The following RCAN3 variants were observed in gnomAD, a reference collection of about 807,000 sequenced individuals.
The protein encoded by RCAN3 is regulator of calcineurin 3, also known as calcipressin-3.
Under a neutral mutation model 21.9 loss-of-function variants are expected in RCAN3, and 19 were observed. The observed-to-expected ratio is 0.87, with a 90% confidence interval of 0.61 to 1.27. RCAN3 has a LOEUF of 1.27. Ranked by LOEUF, RCAN3 falls within the 50% of genes most tolerant of loss-of-function variation. RCAN3 has a pLI of 0.00. For synonymous variants in RCAN3, 114 were observed against 112.3 expected (o/e 1.01, Z -0.09); for missense variants, 240 against 300.1 (o/e 0.80, Z 1.48).
intron 2 of RCAN3, among the ~76,000 whole-genome samples, chr1:24,524,153 C>G (rs1275295375): frequency 6.6e-6 from 1 of 152,250 alleles, no homozygotes; most frequent in Middle Eastern, 3.4e-3. Flanking sequence ...TCGCTTGAAC[C>G]TGGGAGGCAG....
intron 1 of RCAN3, among the ~76,000 whole-genome samples, chr1:24,513,615 C>T (rs917706271): frequency 1.3e-5 from 2 of 152,170 alleles, no homozygotes; most frequent in East Asian, 1.9e-4. Flanking sequence ...CGGGATCGCG[C>T]CACTGCACTC....
rs1650264216 is a variant in RCAN3, at chr1:24,536,858, T to C, written c.*1581T>C. On this transcript the variant is annotated 3_prime_UTR_variant, in exon 5 of 5. Transcript: ENST00000374395. Reference sequence around the variant, plus strand: ...TTCCTTGCCCTCAAATACCCTGAGGTGATAAACTGTTCCAGTTGTAGCCAA... The same window carrying C: ...TTCCTTGCCCTCAAATACCCTGAGGCGATAAACTGTTCCAGTTGTAGCCAA... 1 of 152,002 alleles carries C rather than the reference T, an allele frequency of 6.6e-6. No individual in the cohort carries two copies. Among genetic ancestry groups the C allele is most frequent in the Non-Finnish European group, 1.5e-5 (1 of 67,996 alleles). The allele number at this position is 152,002 out of a possible 1,614,324, so 9.4% of individuals were successfully genotyped here.
chr1:24,539,388 A>G lies in RCAN3; in HGVS notation c.*4111A>G, dbSNP rs1477012025. 1 of 152,224 alleles carries G rather than the reference A, an allele frequency of 6.6e-6. No homozygotes were observed. The highest frequency in any genetic ancestry group is 1.5e-5 in the Non-Finnish European group (1 of 68,034). The allele number at this position is 152,224 out of a possible 1,614,324, so 9.4% of individuals were successfully genotyped here. A position where few individuals can be genotyped will look rare whatever the true frequency, so the allele number is the denominator to read the frequency against. On this transcript the variant is annotated 3_prime_UTR_variant, in exon 5 of 5. Transcript: ENST00000374395. The stretch of plus-strand genomic sequence containing the variant: ...TTTGTAGTTTTGTTATCATTGAACC[A>G]TTGGGGCTGGAATCTGCCTAAATAA...
At chr1:24,519,215 G>GT (rs60599694) in intron 2 of RCAN3, among the ~76,000 whole-genome samples, 469 of 136,736 alleles carry the variant, frequency 3.4e-3, no homozygotes, top group Middle Eastern at 0.027. Context: ...CTGGCCTGAT[G>GT]TTTTTTTTTT....
intron 2 of RCAN3, among the ~76,000 whole-genome samples, chr1:24,519,635 G>A (rs1271579869): frequency 1.3e-5 from 2 of 152,124 alleles, no homozygotes; most frequent in Non-Finnish European, 2.9e-5. Context: ...TCTGATTATG[G>A]TGGTTGAGGG....
intron 1 of RCAN3, among the ~76,000 whole-genome samples, chr1:24,507,210 C>T (rs1435681510): frequency 1.3e-5 from 2 of 152,152 alleles, no homozygotes; most frequent in Non-Finnish European, 2.9e-5. Context: ...CACCTTGCAC[C>T]CTAGCCATGC....
At chr1:24,528,040 C>T (rs1050526337) in intron 2 of RCAN3, among the ~76,000 whole-genome samples, 11 of 152,028 alleles carry the variant, frequency 7.2e-5, no homozygotes, top group African/African-American at 2.4e-4. Context: ...TCTTCCAATG[C>T]TTTTCACCCC....
rs1188390647 is a variant in RCAN3, at chr1:24,529,490, G to A, written c.196-1728G>A. Among the ~76,000 whole-genome samples the A allele has an allele frequency of 6.0e-5, 9 of 150,414 alleles. No homozygotes were observed. In the East Asian group the frequency reaches 1.8e-3, roughly 30 times the overall value. On this transcript the variant is annotated intron_variant, in intron 2 of 4. Coordinates refer to ENST00000374395, the MANE Select transcript of RCAN3 (RefSeq NM_013441.4). ...GGCTTGAGCCCAGGAGTTTGAGGCTGCAGTGAACTCTGATCACACCACTGC... is the reference window on the plus strand; with the variant it reads ...GGCTTGAGCCCAGGAGTTTGAGGCTACAGTGAACTCTGATCACACCACTGC...
rs1007205698 is a variant in RCAN3, at chr1:24,514,532, G to A, written c.160G>A (p.Val54Ile). The A allele has an allele frequency of 1.3e-5, 21 of 1,614,062 alleles. No individual in the cohort carries two copies. Among genetic ancestry groups the A allele is most frequent in the South Asian group, 6.6e-5 (6 of 91,080 alleles). Reference protein sequence around the residue: ...DLPTSLFACSVHEAVFEAREQ... With the variant: ...DLPTSLFACSIHEAVFEAREQ... Reference sequence around the variant, plus strand: ...GCCTACCTCACTTTTTGCTTGCAGCGTCCATGAAGCAGTGTTTGAGGCACG... The same window carrying A: ...GCCTACCTCACTTTTTGCTTGCAGCATCCATGAAGCAGTGTTTGAGGCACG... Residue 54 changes from valine to isoleucine, a missense_variant, in exon 2 of 5, where the codon GTC (valine) becomes ATC (isoleucine). Coordinates refer to ENST00000374395, the MANE Select transcript of RCAN3 (RefSeq NM_013441.4).
At chr1:24,521,719 A>C (rs1037898230) in intron 2 of RCAN3, among the ~76,000 whole-genome samples, 2 of 152,008 alleles carry the variant, frequency 1.3e-5, no homozygotes, top group African/African-American at 4.8e-5. Flanking sequence ...ATGGTGGTAT[A>C]CGCCTGTAGT....
Position 24,505,254 on chromosome 1 carries a change from C to CT in RCAN3, c.-60+2112dup, listed in dbSNP as rs1428466827. The stretch of plus-strand genomic sequence containing the variant: ...TTTCTTTTTTTTTTTTTTTTTTTTT[C>CT]TTTTTTTTGAGATCTCCTTCTGTTG... On this transcript the variant is annotated intron_variant, in intron 1 of 4. Transcript: ENST00000374395. 1.2e-3 allele frequency among the ~76,000 whole-genome samples: 40 copies of CT among 32,510 alleles called. No individual in the cohort carries two copies. The South Asian group carries it at 0.019, about 15-fold the overall frequency. 21.3% of individuals were successfully genotyped at this position (32,510 alleles called of 152,430 possible). A position where few individuals can be genotyped will look rare whatever the true frequency, so the allele number is the denominator to read the frequency against.
rs1650397840 is a variant in RCAN3, at chr1:24,539,526, A to G, written c.*4249A>G. 1 of 152,218 alleles carries G rather than the reference A, an allele frequency of 6.6e-6. No individual in the cohort carries two copies. The highest frequency in any genetic ancestry group is 2.4e-5 in the African/African-American group (1 of 41,452). The allele number at this position is 152,218 out of a possible 1,614,324, so 9.4% of individuals were successfully genotyped here. The stretch of plus-strand genomic sequence containing the variant: ...TAAGAGGTAACTCTACTAAAGCAGA[A>G]TGAGATCTAATATGTTGTGGAAATA... On this transcript the variant is annotated 3_prime_UTR_variant, in exon 5 of 5. Transcript: ENST00000374395.
intron 2 of RCAN3, among the ~76,000 whole-genome samples, chr1:24,521,709 A>G (rs4648994): frequency 0.6 from 91,024 of 150,702 alleles, 29,791 homozygotes; most frequent in African/African-American, 0.88. Flanking sequence ...TTAGCTGGGC[A>G]TGGTGGTATA....
In RCAN3 at chr1:24,531,372, T is replaced by A; in HGVS notation, c.350T>A (p.Leu117Gln). The stretch of plus-strand genomic sequence containing the variant: ...GAAACAGACTTCAATGGGCAGAAGC[T>A]AAAGCTATATTTTGCACAGGTACTT... ...LHETDFNGQK[L>Q]KLYFAQVQMS... The change falls in exon 3 of 5, where the codon CTA (leucine) becomes CAA (glutamine). Residue 117 changes from leucine (L) to glutamine (Q), a missense_variant. Physicochemically the swap from Leu to Gln is moderately radical, Grantham distance 113. Transcript: ENST00000374395. 6.2e-7 allele frequency: 1 copy of A among 1,612,088 alleles called. No homozygotes were observed. Among genetic ancestry groups the A allele is most frequent in the East Asian group, 2.2e-5 (1 of 44,860 alleles).
intron 2 of RCAN3, among the ~76,000 whole-genome samples, chr1:24,519,165 C>T (rs79469357): frequency 0.15 from 22,257 of 151,782 alleles, 1,748 homozygotes; most frequent in African/African-American, 0.18. Flanking sequence ...CCCATCTCAG[C>T]CTCCCAAAGT....
At chr1:24,524,828 G>GTTTTTT (rs5773091) in intron 2 of RCAN3, among the ~76,000 whole-genome samples, 7 of 127,218 alleles carry the variant, frequency 5.5e-5, no homozygotes, top group African/African-American at 8.9e-5. Flanking sequence ...GTTTTCTTTT[G>GTTTTTT]TTTTTTTTTT....
chr1:24,509,615 C>T (rs1176119965), intron 1 of RCAN3, among the ~76,000 whole-genome samples: 2 of 152,190 alleles, frequency 1.3e-5, no homozygotes, highest in African/African-American at 4.8e-5. Flanking sequence ...TTCTAGTTCT[C>T]TTGGTATTTC....
At chr1:24,502,675 C>T (rs1011209023), upstream of RCAN3, among the ~76,000 whole-genome samples, 9 of 151,996 alleles carry the variant, frequency 5.9e-5, no homozygotes, top group African/African-American at 1.7e-4. Context: ...ACAGCCCAAG[C>T]CCCCCACAGG....
chr1:24,529,194 C>T (rs1347447580), intron 2 of RCAN3, among the ~76,000 whole-genome samples: 1 of 151,860 alleles, frequency 6.6e-6, no homozygotes, highest in African/African-American at 2.4e-5. Flanking sequence ...GATGCTTGAG[C>T]CCAGGAGTTC....
Sources: gnomAD v4.1 joint callset for allele counts (sites outside exome capture counted in the v4.1 genomes callset) on GRCh38, gnomAD v4.1.1 for gene constraint, MANE v1.5 for transcripts, NCBI Gene and HGNC (gene_info 2026-07-23, HGNC 2026-07-21) for gene names.